ADGRG6: variants seen among roughly 807,000 people sequenced by gnomAD.
ADGRG6 encodes G-protein coupled receptor 126.
ADGRG6 carries 84 observed loss-of-function variants against 142.4 expected under a neutral mutation model. The observed-to-expected ratio is 0.59, with a 90% CI of 0.49 to 0.71. The LOEUF is 0.71. ADGRG6 is among the 30% of genes least tolerant of loss of function. The pLI, the probability that ADGRG6 is intolerant of heterozygous loss-of-function variation, is 0.00. For missense variants in ADGRG6, 1,367 were observed against 1,466.6 expected (o/e 0.93, Z 1.11); for synonymous variants, 521 against 520.5 (o/e 1.00, Z -0.01).
chr6:142,339,400 A>T (rs1779507127), intron 2 of ADGRG6, among the ~76,000 whole-genome samples: 1 of 152,200 alleles, frequency 6.6e-6, no homozygotes, highest in South Asian at 2.1e-4. Context: ...ACTATCAAAC[A>T]TGCTTCCATC....
chr6:142,425,693 C>T (rs1776904376), intron 22 of ADGRG6, among the ~76,000 whole-genome samples: 1 of 152,042 alleles, frequency 6.6e-6, no homozygotes, highest in Non-Finnish European at 1.5e-5. Flanking sequence ...GCTGTGGCAT[C>T]AGGGCATGTA....
Position 142,445,056 on chromosome 6 carries a change from C to A in ADGRG6, c.*1541C>A, listed in dbSNP as rs1777913925. The stretch of plus-strand genomic sequence containing the variant: ...ATGGGAGAGCTTTTAGGCTACACAG[C>A]AACCCAAGGGACCTCTCACCTTTTG... On this transcript the variant is annotated 3_prime_UTR_variant, in exon 25 of 25. Transcript: ENST00000367609. 6.6e-6 allele frequency: 1 copy of A among 152,150 alleles called. No homozygotes were observed. The highest frequency in any genetic ancestry group is 1.9e-4 in the East Asian group (1 of 5,192). 9.4% of individuals were successfully genotyped at this position (152,150 alleles called of 1,614,324 possible).
intron 1 of ADGRG6, among the ~76,000 whole-genome samples, chr6:142,305,979 C>T (rs1777476361): frequency 1.3e-5 from 2 of 152,112 alleles, no homozygotes. Context: ...TATGAGCAGA[C>T]TTGAATAAAC....
intron 4 of ADGRG6, among the ~76,000 whole-genome samples, chr6:142,377,478 A>G (rs915213318): frequency 6.6e-6 from 1 of 152,182 alleles, no homozygotes; most frequent in African/African-American, 2.4e-5. Context: ...GCACGAAAGC[A>G]TCTGATGTAA....
Position 142,444,156 on chromosome 6 carries a change from C to T in ADGRG6, c.*641C>T, listed in dbSNP as rs987774979. 2 of 152,166 alleles carry T rather than the reference C, an allele frequency of 1.3e-5. No individual in the cohort carries two copies. The allele number at this position is 152,166 out of a possible 1,614,324, so 9.4% of individuals were successfully genotyped here. ...AAAATGTTGACCTAGTTAAATGAGG[C>T]TATATAAATTTCTAATATTTTACTT... On this transcript the variant is annotated 3_prime_UTR_variant, in exon 25 of 25. Coordinates refer to ENST00000367609, the MANE Select transcript of ADGRG6 (RefSeq NM_198569.3).
Position 142,394,663 on chromosome 6 carries a change from C to A in ADGRG6, c.1424+705C>A, listed in dbSNP as rs117229663. On this transcript the variant is annotated intron_variant, in intron 9 of 24. Coordinates refer to ENST00000367609, the MANE Select transcript of ADGRG6 (RefSeq NM_198569.3). Reference sequence around the variant, plus strand: ...GTGGTGTGACCATCACTCACTGCAGCCTTGAACTCCTAGGCTCAAATGATC... The same window carrying A: ...GTGGTGTGACCATCACTCACTGCAGACTTGAACTCCTAGGCTCAAATGATC... Among the ~76,000 whole-genome samples the A allele has an allele frequency of 2.8e-3, 424 of 150,664 alleles. 12 individuals are homozygous for A. Among genetic ancestry groups the A allele is most frequent in the East Asian group, 0.017 (86 of 5,120 alleles).
At chr6:142,326,990 G>A (rs537300625) in intron 2 of ADGRG6, among the ~76,000 whole-genome samples, 2 of 152,142 alleles carry the variant, frequency 1.3e-5, no homozygotes, top group South Asian at 4.1e-4. Context: ...ATGATTTAAT[G>A]ATTTAGTACC....
At chr6:142,359,122 G>A (rs1229029397) in intron 2 of ADGRG6, among the ~76,000 whole-genome samples, 4 of 149,820 alleles carry the variant, frequency 2.7e-5, no homozygotes, top group African/African-American at 9.9e-5. Flanking sequence ...TGGGAGGACT[G>A]CTTGAGCCCA....
rs201265247 is a variant in ADGRG6, at chr6:142,403,895, A to C, written c.2049A>C (p.Val683=). Residue 683 remains valine, a synonymous_variant, in exon 14 of 25, where the codon GTA becomes GTC. Transcript: ENST00000367609. ...CAACTCGGAACTTGGCTCTCAGCGT[A>C]TCATCCCTGTTACCAGGGACAAATG... ...NITTRNLALS[V]SSLLPGTNAI... is the part of the protein sequence containing the mutation. The C allele has an allele frequency of 1.2e-6, 2 of 1,606,214 alleles. No individual in the cohort carries two copies. Among genetic ancestry groups the C allele is most frequent in the Non-Finnish European group, 1.7e-6 (2 of 1,173,170 alleles).
chr6:142,327,620 C>A (rs574395183), intron 2 of ADGRG6, among the ~76,000 whole-genome samples: 1 of 152,234 alleles, frequency 6.6e-6, no homozygotes, highest in African/African-American at 2.4e-5. Flanking sequence ...TTCCCTTTCT[C>A]TGCAAGAGTA....
chr6:142,388,339 A>G (rs559798747), intron 6 of ADGRG6, among the ~76,000 whole-genome samples: 7 of 152,290 alleles, frequency 4.6e-5, no homozygotes, highest in African/African-American at 1.7e-4. Flanking sequence ...AATGATTTTT[A>G]GAATTTTGCA....
chr6:142,339,537 A>G, intron 2 of ADGRG6, among the ~76,000 whole-genome samples: 1 of 152,104 alleles, frequency 6.6e-6, no homozygotes, highest in African/African-American at 2.4e-5. Context: ...GCTTTGCTTG[A>G]GTATCTGGAT....
At chr6:142,419,754 GA>G in intron 21 of ADGRG6, 66 bp from the exon 22 acceptor site, 3 of 1,283,600 alleles carry the variant, frequency 2.3e-6, no homozygotes, top group Non-Finnish European at 3.2e-6. Context: ...ACTAAGCTGA[GA>G]AAAGTCTTAG....
intron 4 of ADGRG6, among the ~76,000 whole-genome samples, chr6:142,372,617 G>A (rs1283763424): frequency 6.6e-6 from 1 of 152,202 alleles, no homozygotes; most frequent in Non-Finnish European, 1.5e-5. Context: ...TTCCACAAGG[G>A]AACTGCAGAG....
At chr6:142,385,055 T>G (rs1781959757) in intron 6 of ADGRG6, among the ~76,000 whole-genome samples, 1 of 152,134 alleles carries the variant, frequency 6.6e-6, no homozygotes, top group African/African-American at 2.4e-5. Flanking sequence ...AACTAAGTAT[T>G]TCACTCTTTG....
At chr6:142,348,694 A>T (rs1302897266) in intron 2 of ADGRG6, among the ~76,000 whole-genome samples, 1 of 151,966 alleles carries the variant, frequency 6.6e-6, no homozygotes, top group African/African-American at 2.4e-5. Flanking sequence ...ATTTATGTTA[A>T]ATCTTAATGG....
Position 142,438,290 on chromosome 6 carries a change from G to C in ADGRG6, c.3500G>C (p.Gly1167Ala), listed in dbSNP as rs751981267. ...AAATCTTTGTCTTCAAGCTCCATTG[G>C]TTCCAACTCAACCTATCTTACATCC... ...LGKSLSSSSI[G>A]SNSTYLTSKS... The change falls in exon 24 of 25, where the codon GGT becomes GCT. Residue 1167 changes from glycine to alanine, a missense_variant. Physicochemically the swap from Gly to Ala is moderately conservative, Grantham distance 60 (BLOSUM62 0). Transcript: ENST00000367609. The C allele has an allele frequency of 2.8e-5, 45 of 1,605,790 alleles. No homozygotes were observed. Among genetic ancestry groups the C allele is most frequent in the Middle Eastern group, 1.7e-4 (1 of 6,060 alleles).
intron 2 of ADGRG6, among the ~76,000 whole-genome samples, chr6:142,337,025 G>A (rs2050157): frequency 0.4 from 60,376 of 152,078 alleles, 13,794 homozygotes; most frequent in African/African-American, 0.64. Flanking sequence ...CCAGGTCTGC[G>A]TCTACCAGGG....
chr6:142,340,671 A>G (rs1043720580), intron 2 of ADGRG6, among the ~76,000 whole-genome samples: 2 of 151,988 alleles, frequency 1.3e-5, no homozygotes, highest in African/African-American at 4.8e-5. Flanking sequence ...TGAATAGTAC[A>G]TTTTTCTGAG....
Sources: allele counts gnomAD v4.1 joint callset (sites outside exome capture counted in the v4.1 genomes callset), GRCh38; gene constraint gnomAD v4.1.1; transcripts MANE v1.5; gene names NCBI Gene and HGNC (gene_info 2026-07-23, HGNC 2026-07-21).